ASB9: variants seen among roughly 807,000 people sequenced by gnomAD.
The protein encoded by ASB9 is ankyrin repeat and SOCS box protein 9.
A neutral mutation model predicts 16.6 loss-of-function variants in ASB9; 5 were observed. The ratio of observed to expected loss-of-function variants is 0.30; its 90% CI spans 0.16 to 0.63. The LOEUF (loss-of-function observed/expected upper bound fraction) is 0.63. Ranked by LOEUF, ASB9 falls within the 30% of genes least tolerant of loss-of-function variation. ASB9 has a pLI of 0.82. For missense variants in ASB9, 216 were observed against 229.4 expected (o/e 0.94, Z 0.38); for synonymous variants, 100 against 86.4 (o/e 1.16, Z -0.87).
chrX:15,267,956 G>A (rs1285775141), intron 1 of ASB9, among the ~76,000 whole-genome samples: 2 of 110,613 alleles, frequency 1.8e-5, no homozygotes, highest in South Asian at 3.8e-4. Context: ...GAGCAGGCTA[G>A]TCTACTCAGT....
intron 1 of ASB9, among the ~76,000 whole-genome samples, chrX:15,260,914 A>T (rs1925922016): frequency 8.9e-6 from 1 of 112,055 alleles, no homozygotes; most frequent in Non-Finnish European, 1.9e-5. Flanking sequence ...TTCCAGATGG[A>T]TTCATTAAGC....
chrX:15,259,033 G>T lies in ASB9; in HGVS notation c.95-88C>A. ...TTGCCCATCAATAAGAGCCTAACAG[G>T]CCCTGGATGGAGGGAGACATTGGAT... On this transcript the variant is annotated intron_variant, in intron 1 of 6. Transcript: ENST00000380488. 3.1e-5 allele frequency: 20 copies of T among 644,829 alleles called. No individual in the cohort carries two copies. The Admixed American group carries it at 4.8e-4, about 15-fold the overall frequency. 53.1% of individuals were successfully genotyped at this position (644,829 alleles called of 1,213,427 possible).
At chrX:15,266,281 G>A (rs1380691026) in intron 1 of ASB9, among the ~76,000 whole-genome samples, 1 of 112,105 alleles carries the variant, frequency 8.9e-6, no homozygotes, top group Admixed American at 9.5e-5. Context: ...TCCAGGTGAT[G>A]TAGAGGCACA....
chrX:15,244,716 G>T, intron 6 of ASB9, 86 bp from the exon 7 acceptor site: 2 of 966,236 alleles, frequency 2.1e-6, no homozygotes, highest in South Asian at 2.6e-5. Context: ...ATCCAAGATA[G>T]AACATTGTTA....
intron 4 of ASB9, among the ~76,000 whole-genome samples, chrX:15,251,881 A>T (rs1925145026): frequency 8.9e-6 from 1 of 112,798 alleles, no homozygotes; most frequent in African/African-American, 3.2e-5. Flanking sequence ...GGTCACGGGT[A>T]TAACAACGGA....
At chrX:15,250,922 C>A (rs1439868312) in intron 4 of ASB9, among the ~76,000 whole-genome samples, 2 of 111,143 alleles carry the variant, frequency 1.8e-5, no homozygotes, top group Non-Finnish European at 3.8e-5. Flanking sequence ...GGGGTTTCAC[C>A]GTGTTAGCCA....
At chrX:15,254,868 G>T (rs368902914) in intron 2 of ASB9, 24 bp from the exon 3 acceptor site, 1 of 1,157,066 alleles carries the variant, frequency 8.6e-7, no homozygotes, top group South Asian at 1.8e-5. Context: ...AACAGTCAGA[G>T]TAAGGGGTGC....
chrX:15,262,393 A>C (rs1926045861), intron 1 of ASB9, among the ~76,000 whole-genome samples: 1 of 111,820 alleles, frequency 8.9e-6, no homozygotes, highest in African/African-American at 3.3e-5. Context: ...GTATGTTCCC[A>C]TCAGCAGGAT....
chrX:15,253,259 GTA>G (rs1925272614), intron 3 of ASB9, among the ~76,000 whole-genome samples: 4 of 106,523 alleles, frequency 3.8e-5, no homozygotes. Context: ...AAAGAAAAAC[GTA>G]TATAGTCAAT....
Position 15,258,942 on chromosome X carries a change from G to C in ASB9, c.98C>G (p.Ala33Gly). The change falls in exon 2 of 7, where the codon GCT becomes GGT. Residue 33 changes from alanine (A) to glycine (G), a missense_variant. Physicochemically the swap from Ala to Gly is moderately conservative, Grantham distance 60. Coordinates refer to ENST00000380488, the MANE Select transcript of ASB9 (RefSeq NM_001031739.3). ...ATGCATAGGAGACCAATCAGACACA[G>C]CATCTGTATGGAAAGAGGGGAATGG... is the stretch of plus-strand genomic sequence containing the variant. ...RLLSNPLMGD[A>G]VSDWSPMHEA... The C allele has an allele frequency of 8.3e-7, 1 of 1,201,239 alleles. No homozygotes were observed. The highest frequency in any genetic ancestry group is 1.1e-6 in the Non-Finnish European group (1 of 886,208).
intron 1 of ASB9, among the ~76,000 whole-genome samples, chrX:15,259,728 C>T (rs1489398847): frequency 8.9e-6 from 1 of 112,454 alleles, no homozygotes; most frequent in Non-Finnish European, 1.9e-5. Flanking sequence ...TCCAAAGCTT[C>T]TTGAGTGCTA....
chrX:15,264,672 G>A (rs781543317), intron 1 of ASB9, among the ~76,000 whole-genome samples: 3 of 111,669 alleles, frequency 2.7e-5, no homozygotes, highest in Non-Finnish European at 5.6e-5. Context: ...GAGTTTCTTG[G>A]CACAGCTATT....
chrX:15,267,417 A>AAATATATATAT (rs780282231), intron 1 of ASB9, among the ~76,000 whole-genome samples: 12 of 77,992 alleles, frequency 1.5e-4, no homozygotes, highest in African/African-American at 5.2e-4. Context: ...CTAAAAAAAA[A>AAATATATATAT]ATATATATAT....
chrX:15,267,510 C>A (rs1168430522), intron 1 of ASB9, among the ~76,000 whole-genome samples: 1 of 50,134 alleles, frequency 2.0e-5, no homozygotes, highest in Admixed American at 2.6e-4. Flanking sequence ...TTTGGGAGGC[C>A]AAGGCGGGCG....
chrX:15,259,078 A>G (rs1925786807), intron 1 of ASB9, 133 bp from the exon 2 acceptor site: 2 of 419,341 alleles, frequency 4.8e-6, no homozygotes, highest in East Asian at 7.2e-5. Flanking sequence ...CAAAATTCCC[A>G]TCAGGAATTC....
At chrX:15,263,381 A>G (rs1012147294) in intron 1 of ASB9, among the ~76,000 whole-genome samples, 2 of 111,114 alleles carry the variant, frequency 1.8e-5, no homozygotes, top group Non-Finnish European at 3.8e-5. Context: ...ATTATTGTGG[A>G]CCTTGGTTTG....
At chrX:15,258,732 G>A (rs929839071) in intron 2 of ASB9, 134 bp downstream of exon 2, 20 of 458,969 alleles carry the variant, frequency 4.4e-5, no homozygotes, top group African/African-American at 1.7e-4. Context: ...CTATTTAGAC[G>A]TTATGGTAGT....
chrX:15,251,643 T>G (rs1435266118), intron 4 of ASB9, among the ~76,000 whole-genome samples: 2 of 111,837 alleles, frequency 1.8e-5, no homozygotes, highest in Non-Finnish European at 3.8e-5. Context: ...ATTACGATGA[T>G]GCTAAATATT....
intron 1 of ASB9, among the ~76,000 whole-genome samples, chrX:15,263,644 A>G (rs951969709): frequency 1.9e-4 from 21 of 108,593 alleles, no homozygotes; most frequent in Admixed American, 5.0e-4. Flanking sequence ...GGGCCCTCAC[A>G]TTATCACCCA....
Sources: allele counts gnomAD v4.1 joint callset (sites outside exome capture counted in the v4.1 genomes callset), GRCh38; gene constraint gnomAD v4.1.1; transcripts MANE v1.5; gene names NCBI Gene and HGNC (gene_info 2026-07-23, HGNC 2026-07-21).